LARP4B: variants seen among roughly 807,000 people sequenced by gnomAD.
LARP4B encodes la-related protein 4B.
In LARP4B, 12 loss-of-function variants were observed where a neutral mutation model predicts 89.8. That is an observed-to-expected ratio of 0.13 (90% confidence interval 0.09 to 0.22). The LOEUF (loss-of-function observed/expected upper bound fraction) is 0.22. Among genes scored for constraint, LARP4B ranks in the 10% least tolerant of loss-of-function variants. The pLI is 1.00. For synonymous variants in LARP4B, 367 were observed against 363.3 expected, an observed-to-expected ratio of 1.01 and a Z score of -0.12; for missense variants, 757 against 947.7, an observed-to-expected ratio of 0.80 and a Z score of 2.64.
chr10:944,733 C>A, the LARP4B span, among the ~76,000 whole-genome samples: 3 of 152,106 alleles, frequency 2.0e-5, no homozygotes, highest in Non-Finnish European at 2.9e-5. Flanking sequence ...GCTTTGAGTT[C>A]CTGTTTCCCA....
chr10:947,486 G>C, the LARP4B span, among the ~76,000 whole-genome samples: 1 of 152,104 alleles, frequency 6.6e-6, no homozygotes, highest in Non-Finnish European at 1.5e-5. Flanking sequence ...AGCCTGCTAC[G>C]ACAGAACAAA....
At chr10:856,815 G>A (rs1170872114) in intron 5 of LARP4B, among the ~76,000 whole-genome samples, 1 of 152,198 alleles carries the variant, frequency 6.6e-6, no homozygotes, top group Non-Finnish European at 1.5e-5. Flanking sequence ...AACAAGGTCT[G>A]CCCTCAGGAA....
chr10:904,673 T>C (rs779357330), intron 1 of LARP4B, among the ~76,000 whole-genome samples: 11 of 152,138 alleles, frequency 7.2e-5, no homozygotes, highest in Non-Finnish European at 1.3e-4. Context: ...GCATCATAGG[T>C]GGACACTGAA....
chr10:958,675 C>G, the LARP4B span, among the ~76,000 whole-genome samples: 1 of 152,320 alleles, frequency 6.6e-6, no homozygotes, highest in South Asian at 2.1e-4. Flanking sequence ...TCCACAGTCA[C>G]CTGAAGGGAC....
chr10:894,380 G>C (rs895149648), intron 1 of LARP4B, among the ~76,000 whole-genome samples: 1 of 152,144 alleles, frequency 6.6e-6, no homozygotes, highest in Non-Finnish European at 1.5e-5. Flanking sequence ...CAAGAAAGAC[G>C]ACCTCATTTC....
At chr10:894,557 A>G (rs901889624) in intron 1 of LARP4B, among the ~76,000 whole-genome samples, 1 of 152,196 alleles carries the variant, frequency 6.6e-6, no homozygotes, top group African/African-American at 2.4e-5. Context: ...CCTAGGTAAT[A>G]AAGACAGAGA....
intron 1 of LARP4B, among the ~76,000 whole-genome samples, chr10:919,093 A>G (rs1043020366): frequency 6.6e-6 from 1 of 152,158 alleles, no homozygotes; most frequent in African/African-American, 2.4e-5. Context: ...AAAAAAGATA[A>G]CCACAATGAA....
At chr10:843,207 T>G (rs958123673) in intron 6 of LARP4B, 139 bp from the exon 7 acceptor site, 1 of 772,166 alleles carries the variant, frequency 1.3e-6, no homozygotes, top group Non-Finnish European at 2.0e-6. Context: ...ACCCATCTGT[T>G]ATTTGCTGTC....
intron 1 of LARP4B, among the ~76,000 whole-genome samples, chr10:930,626 T>C (rs918549317): frequency 6.6e-6 from 1 of 152,198 alleles, no homozygotes; most frequent in Non-Finnish European, 1.5e-5. Context: ...GAGAGGCAGG[T>C]GCAGCAGCTT....
chr10:929,396 A>G (rs1368424014), intron 1 of LARP4B, among the ~76,000 whole-genome samples: 1 of 152,190 alleles, frequency 6.6e-6, no homozygotes, highest in African/African-American at 2.4e-5. Flanking sequence ...GGAGTTCGAG[A>G]CCAGCCTGGG....
chr10:844,968 C>T lies in LARP4B; in HGVS notation c.509+9G>A. The T allele has an allele frequency of 1.2e-6, 2 of 1,603,318 alleles. No individual in the cohort carries two copies. Among genetic ancestry groups the T allele is most frequent in the Non-Finnish European group, 1.7e-6 (2 of 1,175,624 alleles). On this transcript the variant is annotated intron_variant, in intron 6 of 17. Coordinates refer to ENST00000316157, the MANE Select transcript of LARP4B (RefSeq NM_015155.3). ...TATCAGGTACTAGAAAAACCACCAC[C>T]AGCCTTACCTAGATAAGCAGAATTC...
At chr10:878,797 A>AC (rs1835560322) in intron 3 of LARP4B, among the ~76,000 whole-genome samples, 1 of 152,258 alleles carries the variant, frequency 6.6e-6, no homozygotes, top group Admixed American at 6.5e-5. Context: ...AAGTTGATTT[A>AC]TAAATCTACT....
intron 11 of LARP4B, 64 bp from the exon 12 acceptor site, chr10:825,934 C>A: frequency 9.5e-7 from 1 of 1,054,716 alleles, no homozygotes; most frequent in Non-Finnish European, 1.4e-6. Flanking sequence ...TCATTAATAC[C>A]AACAAATCTG....
chr10:978,852 T>C, the LARP4B span, among the ~76,000 whole-genome samples: 6 of 152,226 alleles, frequency 3.9e-5, no homozygotes, highest in Non-Finnish European at 8.8e-5. Context: ...TTCCTTTGTC[T>C]GTAAATGTTT....
chr10:840,367 C>T (rs751047813), intron 7 of LARP4B, among the ~76,000 whole-genome samples: 3 of 152,200 alleles, frequency 2.0e-5, no homozygotes, highest in East Asian at 1.9e-4. Flanking sequence ...ACACCATCTC[C>T]GTGCTCCTCT....
At chr10:915,515 G>GT (rs934140525) in intron 1 of LARP4B, among the ~76,000 whole-genome samples, 3 of 152,000 alleles carry the variant, frequency 2.0e-5, no homozygotes, top group Admixed American at 6.5e-5. Flanking sequence ...AAAAGTTTTT[G>GT]TTTTTTTGGC....
the LARP4B span, among the ~76,000 whole-genome samples, chr10:955,877 G>A: frequency 6.6e-6 from 1 of 152,146 alleles, no homozygotes; most frequent in South Asian, 2.1e-4. This position sits in a 1 kb window ranked among gnomAD's most constrained non-coding sequence, Gnocchi z 5.2. Flanking sequence ...CTGGCCTTGA[G>A]TTCCTCCTCT....
chr10:981,100 G>A, the LARP4B span, among the ~76,000 whole-genome samples: 2 of 152,134 alleles, frequency 1.3e-5, no homozygotes, highest in Non-Finnish European at 2.9e-5. Flanking sequence ...AGATCCCCAG[G>A]GCACGACTAG....
chr10:842,627 T>C (rs1833579111), intron 7 of LARP4B, among the ~76,000 whole-genome samples: 2 of 152,240 alleles, frequency 1.3e-5, no homozygotes, highest in Non-Finnish European at 2.9e-5. Flanking sequence ...ATAAATGTTA[T>C]TTTTATTTTG....
Sources: gnomAD v4.1 joint callset for allele counts (sites outside exome capture counted in the v4.1 genomes callset) on GRCh38, gnomAD v4.1.1 for gene constraint, Gnocchi (gnomAD v3.1) non-coding constraint, MANE v1.5 for transcripts, NCBI Gene and HGNC (gene_info 2026-07-23, HGNC 2026-07-21) for gene names.